Variants in TERF1 observed in about 807,000 individuals in gnomAD.
The protein encoded by TERF1 is telomeric repeat-binding factor 1.
In TERF1, 20 loss-of-function variants were observed where a neutral mutation model predicts 55.1. The observed-to-expected ratio is 0.36, with a 90% CI of 0.26 to 0.53. The LOEUF (loss-of-function observed/expected upper bound fraction) is 0.53. TERF1 is among the 20% of genes least tolerant of loss of function. The pLI is 0.91. For synonymous variants in TERF1, 168 were observed against 181.2 expected (o/e 0.93, Z 0.59); for missense variants, 439 against 535.7 (o/e 0.82, Z 1.78).
chr8:73,009,871 C>G (rs932237658), intron 1 of TERF1: 5 of 152,184 alleles, frequency 3.3e-5, no homozygotes, highest in Non-Finnish European at 7.3e-5. Flanking sequence ...TGCACCCCGC[C>G]CCCGTCCCAA....
At chr8:73,031,249 A>G (rs1462313930) in intron 7 of TERF1, 1 of 152,282 alleles carries the variant, frequency 6.6e-6, no homozygotes, top group African/African-American at 2.4e-5. Flanking sequence ...CAAGGAGAGA[A>G]ACATTGTCCC....
At position 73,024,802 on chromosome 8, in the gene TERF1, ATTTC is replaced by A. The variant is rs1233805394; in HGVS notation, c.625-17_625-14del. 4 of 1,513,966 alleles carry A rather than the reference ATTTC, an allele frequency of 2.6e-6. No homozygotes were observed. The East Asian group carries it at 6.9e-5, about 26-fold the overall frequency. The allele number at this position is 1,513,966 out of a possible 1,614,324, so 93.8% of individuals were successfully genotyped here. A position where few individuals can be genotyped will look rare whatever the true frequency, so the allele number is the denominator to read the frequency against. The stretch of plus-strand genomic sequence containing the variant: ...AACTTTGTGTGATTTATGTTAATAT[ATTTC>A]TTCTGTTTTCTTTAGCCTTTCAAAA... On this transcript the variant is annotated splice_polypyrimidine_tract_variant and intron_variant, in intron 4 of 9. Coordinates refer to ENST00000276603, the MANE Select transcript of TERF1 (RefSeq NM_017489.3).
chr8:73,043,637 C>T (rs1213497290), intron 9 of TERF1, among the ~76,000 whole-genome samples: 2 of 152,158 alleles, frequency 1.3e-5, no homozygotes, highest in Non-Finnish European at 2.9e-5. Context: ...CAGTGGCTTG[C>T]TGTCCCCTGC....
intron 9 of TERF1, among the ~76,000 whole-genome samples, chr8:73,041,513 C>T (rs528979365): frequency 6.6e-6 from 1 of 152,236 alleles, no homozygotes; most frequent in Non-Finnish European, 1.5e-5. Context: ...CTTCTCAGCC[C>T]ACCACCCCTT....
Position 73,009,037 on chromosome 8 carries a change from G to A in TERF1, c.151G>A (p.Val51Met), listed in dbSNP as rs759792293. 2.5e-6 allele frequency: 4 copies of A among 1,610,998 alleles called. No individual in the cohort carries two copies. The highest frequency in any genetic ancestry group is 2.5e-6 in the Non-Finnish European group (3 of 1,178,934). Residue 51 changes from valine to methionine, a missense_variant, in exon 1 of 10, where the codon GTG becomes ATG. Around this residue, in one of 4 missense-constraint regions of TERF1, gnomAD observed 179 missense variants for 152.6 expected, o/e 1.17. Transcript: ENST00000276603. ...GGAACTGCTCGAGTGCCAGGTGCAG[G>A]TGGGGGCCCCCGAGGAGGAGGAGGA... is the stretch of plus-strand genomic sequence containing the variant. Reference protein sequence around the residue: ...CQELLECQVQVGAPEEEEEEE... With the variant: ...CQELLECQVQMGAPEEEEEEE...
At position 73,047,541 on chromosome 8, in the gene TERF1, GACTA is replaced by G. The variant is rs1810094116; in HGVS notation, c.*1407_*1410del. On this transcript the variant is annotated 3_prime_UTR_variant, in exon 10 of 10. Transcript: ENST00000276603. The stretch of plus-strand genomic sequence containing the variant: ...AACATTTTATTCTTTAAAAGATTTA[GACTA>G]ACAGAATTATTTAGCATTTCGAGTC... The G allele has an allele frequency of 6.6e-6, 1 of 152,146 alleles. No individual in the cohort carries two copies. Among genetic ancestry groups the G allele is most frequent in the African/African-American group, 2.4e-5 (1 of 41,424 alleles). The allele number at this position is 152,146 out of a possible 1,614,324, so 9.4% of individuals were successfully genotyped here.
At chr8:73,035,225 A>T (rs749654070) in intron 8 of TERF1, among the ~76,000 whole-genome samples, 1 of 151,894 alleles carries the variant, frequency 6.6e-6, no homozygotes, top group African/African-American at 2.4e-5. Context: ...CCAATCCCCA[A>T]ATTTTCTTGG....
chr8:73,017,945 G>A (rs1231631718), intron 2 of TERF1, among the ~76,000 whole-genome samples: 3 of 152,104 alleles, frequency 2.0e-5, no homozygotes, highest in Non-Finnish European at 2.9e-5. Context: ...GGCGGATCTC[G>A]TGATCCGCCT....
rs551832262 is a variant in TERF1, at chr8:73,032,170, T to G, written c.1039+37T>G. ...TATAACAGTTTTAGAAGGGGAGAAT[T>G]GATGTGTCCTCAAACAATCCAGCCA... On this transcript the variant is annotated intron_variant, in intron 8 of 9. Transcript: ENST00000276603. 4 of 1,444,578 alleles carry G rather than the reference T, an allele frequency of 2.8e-6. No homozygotes were observed. The African/African-American group carries it at 5.7e-5, about 20-fold the overall frequency. The allele number at this position is 1,444,578 out of a possible 1,614,324, so 89.5% of individuals were successfully genotyped here. A position where few individuals can be genotyped will look rare whatever the true frequency, so the allele number is the denominator to read the frequency against.
Position 73,026,925 on chromosome 8 carries a change from C to T in TERF1, c.775-15C>T, listed in dbSNP as rs751736891. 22 of 1,595,870 alleles carry T rather than the reference C, an allele frequency of 1.4e-5. No homozygotes were observed. The highest frequency in any genetic ancestry group is 5.1e-5 in the Admixed American group (3 of 59,368). ...ATTTCTTCCTATCCTTCTACCTCCACGCACGTTTTTTAAGGCAGCGGCAAA... is the reference window on the plus strand; with the variant it reads ...ATTTCTTCCTATCCTTCTACCTCCATGCACGTTTTTTAAGGCAGCGGCAAA... On this transcript the variant is annotated splice_polypyrimidine_tract_variant and intron_variant, in intron 5 of 9. Transcript: ENST00000276603.
chr8:73,039,052 A>C, intron 8 of TERF1, 64 bp from the exon 9 acceptor site: 1 of 1,097,188 alleles, frequency 9.1e-7, no homozygotes. Flanking sequence ...AATCATTAAA[A>C]ATATAATTGC....
At chr8:73,013,030 TCTGGTGTAGC>T in intron 1 of TERF1, 1 of 417,108 alleles carries the variant, frequency 2.4e-6, no homozygotes, top group South Asian at 1.7e-5. Flanking sequence ...CCAGATAATC[TCTGGTGTAGC>T]ATAAGATTAT....
In TERF1 at chr8:73,038,839, T is replaced by G; in HGVS notation, c.1040-277T>G. 6.7e-6 allele frequency: 5 copies of G among 747,506 alleles called. No individual in the cohort carries two copies. In the South Asian group the frequency reaches 1.9e-4, roughly 28 times the overall value. 46.3% of individuals were successfully genotyped at this position (747,506 alleles called of 1,614,324 possible). ...TCCTATGCAATAAATATTTTTCCTT[T>G]TTTTTTAAACAGATAATGGAAAGAC... On this transcript the variant is annotated intron_variant, in intron 8 of 9. Coordinates refer to ENST00000276603, the MANE Select transcript of TERF1 (RefSeq NM_017489.3).
In TERF1 at chr8:73,009,399, A is replaced by G. The variant is rs1179268301; in HGVS notation, c.319+194A>G. 5.2e-6 allele frequency: 3 copies of G among 580,980 alleles called. No individual in the cohort carries two copies. In the African/African-American group the frequency reaches 5.7e-5, roughly 11 times the overall value. 36.0% of individuals were successfully genotyped at this position (580,980 alleles called of 1,614,324 possible). ...TTGTCAGCACCTGAGTTTTTCTCAG[A>G]TTGATTTCCTCTTCGATAAAATGAA... On this transcript the variant is annotated intron_variant, in intron 1 of 9. Coordinates refer to ENST00000276603, the MANE Select transcript of TERF1 (RefSeq NM_017489.3).
rs751228112 is a variant in TERF1, at chr8:73,008,914, C to G, written c.28C>G (p.Pro10Ala). The change falls in exon 1 of 10, where the codon CCG becomes GCG. Residue 10 changes from proline (P) to alanine (A), a missense_variant. Around this residue, in one of 4 missense-constraint regions of TERF1, gnomAD observed 179 missense variants for 152.6 expected, o/e 1.17. Transcript: ENST00000276603. ...GGCGGAGGATGTTTCCTCAGCGGCC[C>G]CGAGCCCGCGGGGCTGTGCGGATGG... MAEDVSSAAPSPRGCADGRD... is the reference protein window; with the variant it reads MAEDVSSAAASPRGCADGRD... The G allele has an allele frequency of 1.9e-6, 3 of 1,610,686 alleles. No individual in the cohort carries two copies. Among genetic ancestry groups the G allele is most frequent in the Admixed American group, 1.7e-5 (1 of 59,472 alleles).
intron 9 of TERF1, 33 bp from the exon 10 acceptor site, chr8:73,045,928 T>G (rs1428964699): frequency 1.4e-6 from 2 of 1,431,730 alleles, no homozygotes. Context: ...AATAATTGTT[T>G]CTGTAAATAA....
intron 1 of TERF1, chr8:73,011,131 A>G (rs1159306581): frequency 2.2e-5 from 2 of 89,896 alleles, no homozygotes; most frequent in African/African-American, 9.3e-5. Context: ...CACCAGCAGC[A>G]TTAGTCCCTA....
At chr8:73,037,636 CAT>C (rs1344175330) in intron 8 of TERF1, among the ~76,000 whole-genome samples, 85 of 84,646 alleles carry the variant, frequency 1.0e-3, no homozygotes, top group African/African-American at 3.7e-3. Context: ...TTATATATAA[CAT>C]ATATAATATA....
intron 3 of TERF1, among the ~76,000 whole-genome samples, chr8:73,021,757 AT>A (rs1808766963): frequency 6.6e-6 from 1 of 152,194 alleles, no homozygotes; most frequent in African/African-American, 2.4e-5. Flanking sequence ...CATGAAAAAA[AT>A]GATCATTAAA....
Sources: allele counts gnomAD v4.1 joint callset (sites outside exome capture counted in the v4.1 genomes callset), GRCh38; gene constraint gnomAD v4.1.1; regional missense constraint gnomAD v4.1.1; transcripts MANE v1.5; gene names NCBI Gene and HGNC (gene_info 2026-07-23, HGNC 2026-07-21).